Variants in MACROD2 observed in about 807,000 individuals in gnomAD.
The protein encoded by MACROD2 is ADP-ribose glycohydrolase MACROD2.
MACROD2 carries 36 observed loss-of-function variants against 70.4 expected under a neutral mutation model. That is an observed-to-expected ratio of 0.51 (90% CI 0.39 to 0.68). The LOEUF is 0.68. Among genes scored for constraint, MACROD2 ranks in the 30% least tolerant of loss-of-function variants. MACROD2 has a pLI of 0.00. For missense variants in MACROD2, 496 were observed against 538.4 expected, an observed-to-expected ratio of 0.92 and a Z score of 0.78; for synonymous variants, 172 against 178.8, an observed-to-expected ratio of 0.96 and a Z score of 0.30.
intron 5 of MACROD2, among the ~76,000 whole-genome samples, chr20:14,964,110 AAAG>A (rs2074609226): frequency 6.6e-6 from 1 of 151,882 alleles, no homozygotes; most frequent in Non-Finnish European, 1.5e-5. Context: ...ACAAATTTTC[AAAG>A]TAGAATGGAG....
At chr20:15,258,038 A>G (rs577618592) in intron 6 of MACROD2, among the ~76,000 whole-genome samples, 47 of 151,930 alleles carry the variant, frequency 3.1e-4, no homozygotes, top group African/African-American at 1.1e-3. Context: ...AAAAAGTTCA[A>G]AAGTTTAAAA....
chr20:15,691,911 T>C (rs1342070793), intron 8 of MACROD2, among the ~76,000 whole-genome samples: 2 of 152,228 alleles, frequency 1.3e-5, no homozygotes, highest in Admixed American at 6.5e-5. Flanking sequence ...TAATTTCTCA[T>C]GTCAACCTGC....
chr20:15,273,876 T>C (rs2077367887), intron 6 of MACROD2, among the ~76,000 whole-genome samples: 1 of 152,202 alleles, frequency 6.6e-6, no homozygotes. Context: ...GGTTTCTTTA[T>C]CTGTGAACTG....
chr20:15,942,826 T>C (rs2065768502), intron 12 of MACROD2, among the ~76,000 whole-genome samples: 1 of 152,212 alleles, frequency 6.6e-6, no homozygotes, highest in African/African-American at 2.4e-5. Context: ...AATAAAGTGC[T>C]GTTTAAACTC....
At chr20:14,070,035 T>A (rs958756219) in intron 2 of MACROD2, among the ~76,000 whole-genome samples, 1 of 152,014 alleles carries the variant, frequency 6.6e-6, no homozygotes, top group Non-Finnish European at 1.5e-5. Flanking sequence ...CCATCTAGCC[T>A]TAGTCACCCC....
chr20:14,915,545 T>C (rs1216437317), intron 5 of MACROD2, among the ~76,000 whole-genome samples: 1 of 152,154 alleles, frequency 6.6e-6, no homozygotes, highest in Non-Finnish European at 1.5e-5. Context: ...TAAATGGAAC[T>C]CTGGTTTCAG....
At chr20:15,674,741 ATGTGTGTGTGTGT>A (rs919425215) in intron 8 of MACROD2, among the ~76,000 whole-genome samples, 1 of 134,118 alleles carries the variant, frequency 7.5e-6, no homozygotes, top group African/African-American at 2.9e-5. Context: ...GTGTGTGTCT[ATGTGTGTGTGTGT>A]TGTGTGTGTG....
intron 2 of MACROD2, among the ~76,000 whole-genome samples, chr20:14,060,530 AG>A (rs1377978846): frequency 7.2e-5 from 11 of 152,312 alleles, no homozygotes; most frequent in African/African-American, 2.6e-4. Context: ...CTGAGGAGAT[AG>A]ACGACATTTC....
At chr20:15,334,377 G>A (rs2078025943) in intron 6 of MACROD2, among the ~76,000 whole-genome samples, 1 of 151,514 alleles carries the variant, frequency 6.6e-6, no homozygotes, top group Admixed American at 6.6e-5. Flanking sequence ...CTCTATTAAT[G>A]GCAAATAGTA....
intron 5 of MACROD2, among the ~76,000 whole-genome samples, chr20:15,174,792 A>T (rs530990282): frequency 1.3e-5 from 2 of 152,272 alleles, no homozygotes; most frequent in East Asian, 3.9e-4. Flanking sequence ...TTTTGGCTGC[A>T]TAAATGTCTT....
chr20:15,171,447 T>C (rs929581880), intron 5 of MACROD2, among the ~76,000 whole-genome samples: 2 of 150,558 alleles, frequency 1.3e-5, no homozygotes, highest in African/African-American at 4.9e-5. Flanking sequence ...CTCTCCTACC[T>C]TCCCCCATCA....
chr20:14,472,614 A>G (rs977365424), intron 3 of MACROD2, among the ~76,000 whole-genome samples: 1 of 152,192 alleles, frequency 6.6e-6, no homozygotes, highest in African/African-American at 2.4e-5. Context: ...ATTTTATGGG[A>G]TAAGTGTTGT....
chr20:15,712,445 C>T (rs1298747299), intron 8 of MACROD2, among the ~76,000 whole-genome samples: 1 of 152,222 alleles, frequency 6.6e-6, no homozygotes, highest in Admixed American at 6.5e-5. Context: ...TCCACTGCCA[C>T]CTCCCCCACC....
At chr20:14,964,609 A>C (rs2074615353) in intron 5 of MACROD2, among the ~76,000 whole-genome samples, 1 of 151,982 alleles carries the variant, frequency 6.6e-6, no homozygotes. Context: ...ATAAAGAGAG[A>C]CTGCACGCAC....
intron 16 of MACROD2, among the ~76,000 whole-genome samples, chr20:16,043,251 T>A (rs1264561999): frequency 6.6e-6 from 1 of 152,042 alleles, no homozygotes; most frequent in Non-Finnish European, 1.5e-5. Flanking sequence ...TATTAGGGAA[T>A]ACATTTGGCC....
intron 5 of MACROD2, among the ~76,000 whole-genome samples, chr20:15,061,791 C>T (rs1003620113): frequency 1.3e-5 from 2 of 152,150 alleles, no homozygotes; most frequent in African/African-American, 2.4e-5. Flanking sequence ...TATAGATTTC[C>T]CTGGAAGCCT....
intron 3 of MACROD2, among the ~76,000 whole-genome samples, chr20:14,274,861 A>G (rs1469109092): frequency 6.6e-6 from 1 of 150,830 alleles, no homozygotes; most frequent in Non-Finnish European, 1.5e-5. Context: ...TAACAGACAA[A>G]CAGAGAGCCA....
At chr20:14,312,661 T>C (rs1444169801) in intron 3 of MACROD2, among the ~76,000 whole-genome samples, 1 of 152,226 alleles carries the variant, frequency 6.6e-6, no homozygotes, top group Non-Finnish European at 1.5e-5. Context: ...ATATATTGCC[T>C]ATAGCCACCA....
intron 3 of MACROD2, among the ~76,000 whole-genome samples, chr20:14,236,285 TTAAG>T (rs1225881134): frequency 2.0e-5 from 3 of 152,116 alleles, no homozygotes; most frequent in African/African-American, 7.2e-5. Flanking sequence ...TCATGATCGA[TTAAG>T]TGAGAAATCA....
Sources: gnomAD v4.1 joint callset for allele counts (sites outside exome capture counted in the v4.1 genomes callset) on GRCh38, gnomAD v4.1.1 for gene constraint, MANE v1.5 for transcripts, NCBI Gene and HGNC (gene_info 2026-07-23, HGNC 2026-07-21) for gene names.